GALNT13: variants seen among roughly 807,000 people sequenced by gnomAD.
GALNT13 encodes the protein polypeptide N-acetylgalactosaminyltransferase 13.
In GALNT13, 28 loss-of-function variants were observed where a neutral mutation model predicts 64.2. The observed-to-expected ratio is 0.44, with a 90% confidence interval of 0.32 to 0.60. The LOEUF is 0.60. Ranked by LOEUF, GALNT13 falls within the 20% of genes least tolerant of loss-of-function variation. The pLI, the probability that GALNT13 is intolerant of heterozygous loss-of-function variation, is 0.05. For synonymous variants in GALNT13, 214 were observed against 224.6 expected (o/e 0.95, Z 0.42); for missense variants, 577 against 669.8 (o/e 0.86, Z 1.53).
At chr2:153,490,059 G>A in the GALNT13 span, among the ~76,000 whole-genome samples, 2 of 152,010 alleles carry the variant, frequency 1.3e-5, no homozygotes, top group African/African-American at 4.8e-5. Flanking sequence ...AACATTCAGT[G>A]ATGCTGATCC....
chr2:153,483,440 G>A, the GALNT13 span, among the ~76,000 whole-genome samples: 1 of 134,728 alleles, frequency 7.4e-6, no homozygotes, highest in Admixed American at 7.8e-5. Flanking sequence ...TTTTTGATAC[G>A]GAGTTTTACT....
At chr2:154,325,262 C>T (rs1694820914) in intron 9 of GALNT13, among the ~76,000 whole-genome samples, 1 of 152,120 alleles carries the variant, frequency 6.6e-6, no homozygotes, top group Non-Finnish European at 1.5e-5. Flanking sequence ...GAAAATACCA[C>T]CTGTTTTCAT....
chr2:154,363,938 A>C (rs867206011), intron 9 of GALNT13, among the ~76,000 whole-genome samples: 7 of 152,334 alleles, frequency 4.6e-5, no homozygotes, highest in Middle Eastern at 3.4e-3. Context: ...CTAAAAAATG[A>C]AAGTCTTCAA....
chr2:153,663,971 A>G, the GALNT13 span, among the ~76,000 whole-genome samples: 1 of 152,214 alleles, frequency 6.6e-6, no homozygotes, highest in African/African-American at 2.4e-5. Flanking sequence ...GGGTACGAAT[A>G]GAGAGTAAGT....
intron 1 of GALNT13, among the ~76,000 whole-genome samples, chr2:153,875,566 G>A (rs1348586): frequency 0.77 from 117,161 of 152,078 alleles, 45,539 homozygotes; most frequent in East Asian, 0.97. Flanking sequence ...TGTAACAGGA[G>A]CATTTTCATG....
At chr2:153,124,706 T>C in the GALNT13 span, among the ~76,000 whole-genome samples, 7,426 of 152,160 alleles carry the variant, frequency 0.049, 283 homozygotes, top group East Asian at 0.18. Context: ...GGTTTCACCA[T>C]GTTGGCCAGA....
the GALNT13 span, among the ~76,000 whole-genome samples, chr2:153,223,023 G>T: frequency 2.0e-5 from 3 of 152,234 alleles, no homozygotes; most frequent in Non-Finnish European, 4.4e-5. Flanking sequence ...TCAGTGGAGT[G>T]CGCCAGCTGC....
At chr2:153,305,831 A>G in the GALNT13 span, among the ~76,000 whole-genome samples, 4 of 152,314 alleles carry the variant, frequency 2.6e-5, no homozygotes, top group African/African-American at 9.6e-5. Context: ...TTTAGGTTTC[A>G]TAATGAAATA....
upstream of GALNT13, among the ~76,000 whole-genome samples, chr2:153,868,489 CTCCATCA>C (rs1685801302): frequency 6.6e-6 from 1 of 152,180 alleles, no homozygotes; most frequent in Admixed American, 6.5e-5. Flanking sequence ...ATAATGGCAT[CTCCATCA>C]TCCTACTCAT....
the GALNT13 span, among the ~76,000 whole-genome samples, chr2:153,831,495 T>C: frequency 6.6e-6 from 1 of 152,146 alleles, no homozygotes; most frequent in East Asian, 1.9e-4. Context: ...AGCAATTCCT[T>C]CTTGTAGCAG....
At chr2:154,104,400 T>G (rs1702506014) in intron 3 of GALNT13, among the ~76,000 whole-genome samples, 1 of 152,140 alleles carries the variant, frequency 6.6e-6, no homozygotes, top group African/African-American at 2.4e-5. Flanking sequence ...GCGGACACAC[T>G]TTTAATGAAT....
At chr2:153,955,751 AAC>A (rs1692521238) in intron 3 of GALNT13, among the ~76,000 whole-genome samples, 2 of 152,172 alleles carry the variant, frequency 1.3e-5, no homozygotes, top group South Asian at 4.1e-4. Context: ...AGTTTTATTG[AAC>A]AGTGTTACAG....
the GALNT13 span, among the ~76,000 whole-genome samples, chr2:153,730,876 A>G: frequency 1.3e-5 from 2 of 152,034 alleles, no homozygotes; most frequent in Non-Finnish European, 2.9e-5. Context: ...CTATTATTAA[A>G]AAGTCAAAAG....
At chr2:154,187,904 T>C (rs28414577) in intron 4 of GALNT13, among the ~76,000 whole-genome samples, 21,803 of 152,086 alleles carry the variant, frequency 0.14, 1,586 homozygotes, top group Middle Eastern at 0.18. Context: ...AAAATAGATA[T>C]GTAATGAAGA....
chr2:153,745,745 T>C, the GALNT13 span, among the ~76,000 whole-genome samples: 7 of 152,300 alleles, frequency 4.6e-5, no homozygotes, highest in East Asian at 7.7e-4. Context: ...TTTTGAAACA[T>C]GGTCACACTC....
At chr2:153,644,761 C>T in the GALNT13 span, among the ~76,000 whole-genome samples, 1 of 151,994 alleles carries the variant, frequency 6.6e-6, no homozygotes. Flanking sequence ...AATGCATTCT[C>T]AAGATCAGGT....
At chr2:153,906,500 G>T (rs1458056199) in intron 2 of GALNT13, among the ~76,000 whole-genome samples, 2 of 150,790 alleles carry the variant, frequency 1.3e-5, no homozygotes, top group African/African-American at 2.4e-5. Context: ...GCAGTGTTTG[G>T]TTTTTTGTCC....
At chr2:153,267,122 C>T in the GALNT13 span, among the ~76,000 whole-genome samples, 1 of 152,232 alleles carries the variant, frequency 6.6e-6, no homozygotes, top group Non-Finnish European at 1.5e-5. Context: ...TCTGCTTTGA[C>T]TCTGTGTGTC....
chr2:153,670,015 C>T, the GALNT13 span, among the ~76,000 whole-genome samples: 1 of 152,132 alleles, frequency 6.6e-6, no homozygotes, highest in African/African-American at 2.4e-5. Context: ...GTTCTATGCT[C>T]ACAGAGTAAA....
Sources: allele counts gnomAD v4.1 joint callset (sites outside exome capture counted in the v4.1 genomes callset), GRCh38; gene constraint gnomAD v4.1.1; transcripts MANE v1.5; gene names NCBI Gene and HGNC (gene_info 2026-07-23, HGNC 2026-07-21).